Variants in GNS observed in about 807,000 individuals in gnomAD.
The protein encoded by GNS is N-acetylglucosamine-6-sulfatase.
GNS carries 40 observed loss-of-function variants against 69.7 expected under a neutral mutation model. That is an observed-to-expected ratio of 0.57 (90% CI 0.45 to 0.75). The LOEUF (loss-of-function observed/expected upper bound fraction) is 0.75, where lower values mean the gene tolerates loss of function less well. Among genes scored for constraint, GNS ranks in the 30% least tolerant of loss-of-function variants. The pLI is 0.00. For missense variants in GNS, 565 were observed against 685.5 expected (o/e 0.82, Z 1.96); for synonymous variants, 243 against 251.6 (o/e 0.97, Z 0.32).
intron 9 of GNS, among the ~76,000 whole-genome samples, chr12:64,734,532 G>C (rs1364061599): frequency 6.6e-6 from 1 of 152,212 alleles, no homozygotes; most frequent in Non-Finnish European, 1.5e-5. Context: ...GGAAGGAGTA[G>C]TCACTTGTAC....
intron 9 of GNS, among the ~76,000 whole-genome samples, chr12:64,732,652 G>A (rs1284056017): frequency 7.5e-5 from 11 of 147,236 alleles, no homozygotes; most frequent in East Asian, 6.2e-4. Context: ...TAGTAGAGAC[G>A]GGGTTTCACT....
rs764633225 is a variant in GNS, at chr12:64,743,128, T to C, written c.792+13A>G. 6.3e-7 allele frequency: 1 copy of C among 1,594,084 alleles called. No homozygotes were observed. The highest frequency in any genetic ancestry group is 8.6e-7 in the Non-Finnish European group (1 of 1,162,032). On this transcript the variant is annotated intron_variant, in intron 6 of 13. Transcript: ENST00000258145. The stretch of plus-strand genomic sequence containing the variant: ...ACTTAGTATGGCTGAATACAAGTGG[T>C]GGGGGAAGCTACCGTTCCATGGATG...
intron 13 of GNS, among the ~76,000 whole-genome samples, chr12:64,717,813 T>G (rs1868913610): frequency 6.6e-6 from 1 of 152,138 alleles, no homozygotes; most frequent in South Asian, 2.1e-4. Context: ...GTAGAAGACA[T>G]GAACAGAAAC....
intron 6 of GNS, among the ~76,000 whole-genome samples, chr12:64,741,286 T>C (rs1869725055): frequency 6.6e-6 from 1 of 151,652 alleles, no homozygotes; most frequent in African/African-American, 2.4e-5. Context: ...AGGCGGAGGT[T>C]GCATTGAGCC....
chr12:64,719,458 C>T (rs937794134), intron 13 of GNS, among the ~76,000 whole-genome samples: 9 of 152,162 alleles, frequency 5.9e-5, no homozygotes, highest in African/African-American at 1.7e-4. Flanking sequence ...TAAGAAGGAC[C>T]GTGTGGGGAA....
intron 9 of GNS, among the ~76,000 whole-genome samples, chr12:64,734,773 T>C (rs1869510874): frequency 6.6e-6 from 1 of 152,170 alleles, no homozygotes; most frequent in South Asian, 2.1e-4. Flanking sequence ...CCACTGCAGC[T>C]TAAATATCTG....
chr12:64,717,379 G>A (rs1446238855), intron 13 of GNS, among the ~76,000 whole-genome samples: 3 of 152,180 alleles, frequency 2.0e-5, no homozygotes, highest in Non-Finnish European at 4.4e-5. Flanking sequence ...GGGGGACAGA[G>A]TCAGTCTGTC....
intron 9 of GNS, among the ~76,000 whole-genome samples, chr12:64,732,881 G>T (rs866240863): frequency 6.6e-6 from 1 of 152,278 alleles, no homozygotes. Context: ...TTACAGGCGT[G>T]AGCCACCATG....
chr12:64,755,055 C>T lies in GNS; in HGVS notation c.193-2298G>A, dbSNP rs1204772195. ...TGCTAATTAGAATGTAAAATGAATCCTTAAGATCGAAGCAAAGACAGTGGC... is the reference window on the plus strand; with the variant it reads ...TGCTAATTAGAATGTAAAATGAATCTTTAAGATCGAAGCAAAGACAGTGGC... On this transcript the variant is annotated intron_variant, in intron 1 of 13. Transcript: ENST00000258145. Among the ~76,000 whole-genome samples the T allele has an allele frequency of 5.3e-5, 8 of 152,022 alleles. No individual in the cohort carries two copies. The East Asian group carries it at 1.5e-3, about 29-fold the overall frequency.
intron 6 of GNS, among the ~76,000 whole-genome samples, chr12:64,741,726 T>G (rs1869742632): frequency 6.6e-6 from 1 of 152,120 alleles, no homozygotes; most frequent in Non-Finnish European, 1.5e-5. Context: ...CTATATACTA[T>G]TCTCTCTTCT....
intron 11 of GNS, chr12:64,722,790 T>C (rs1248037879): frequency 7.3e-6 from 4 of 545,038 alleles, no homozygotes; most frequent in East Asian, 6.5e-5. Flanking sequence ...ACTTGCTACA[T>C]AAATTGGAAG....
Position 64,721,640 on chromosome 12 carries a change from C to T in GNS, c.1374G>A (p.Met458Ile), listed in dbSNP as rs145676225. ...YNNTYACVRTMSALWNLQYCE... is the reference protein window; with the variant it reads ...YNNTYACVRTISALWNLQYCE... Reference sequence around the variant, plus strand: ...AATACTGCAAATTCCACAATGCTGACATTGTCCTCACACAGGCATAGGTAT... The same window carrying T: ...AATACTGCAAATTCCACAATGCTGATATTGTCCTCACACAGGCATAGGTAT... Residue 458 changes from methionine (M) to isoleucine (I), a missense_variant, in exon 12 of 14, where the codon ATG (methionine) becomes ATA (isoleucine). By Grantham distance (10) the Met-to-Ile change is conservative (BLOSUM62 1). This residue lies in a region of GNS where 384 missense variants were observed against 511.0 expected (regional missense o/e 0.75). Transcript: ENST00000258145. 6.2e-6 allele frequency: 10 copies of T among 1,601,336 alleles called. No homozygotes were observed. The African/African-American group carries it at 1.1e-4, about 17-fold the overall frequency.
intron 1 of GNS, chr12:64,752,973 G>A: frequency 3.4e-6 from 2 of 582,342 alleles, no homozygotes; most frequent in South Asian, 2.1e-5. Context: ...AATGCTTGCA[G>A]GAAGGGAAAG....
chr12:64,725,515 T>C (rs895522030), intron 10 of GNS, among the ~76,000 whole-genome samples: 1 of 152,178 alleles, frequency 6.6e-6, no homozygotes, highest in African/African-American at 2.4e-5. Flanking sequence ...CATTTTTAAT[T>C]CAAATAGCCA....
chr12:64,716,608 T>C lies in GNS; in HGVS notation c.*133A>G. 1.4e-6 allele frequency: 1 copy of C among 718,076 alleles called. No individual in the cohort carries two copies. 44.5% of individuals were successfully genotyped at this position (718,076 alleles called of 1,614,324 possible). On this transcript the variant is annotated 3_prime_UTR_variant, in exon 14 of 14. Coordinates refer to ENST00000258145, the MANE Select transcript of GNS (RefSeq NM_002076.4). ...GGAAGTCAGCTGACTGGGTTGCTTT[T>C]TCAAACAGGACTTAAAGCCAGCCCA...
chr12:64,741,070 AGTGGCGGGCG>A (rs1270869347), intron 6 of GNS, among the ~76,000 whole-genome samples: 91,858 of 134,814 alleles, frequency 0.68, 33,121 homozygotes, highest in African/African-American at 0.89. Context: ...AATAGGGCGT[AGTGGCGGGCG>A]CCTGTAGTCC....
intron 13 of GNS, among the ~76,000 whole-genome samples, chr12:64,717,518 ATTTTTTTTTTTT>A (rs57088346): frequency 7.6e-6 from 1 of 131,410 alleles, no homozygotes; most frequent in African/African-American, 2.9e-5. Context: ...CACCTGGCTA[ATTTTTTTTTTTT>A]TTTTTTTTTT....
rs1022960921 is a variant in GNS, at chr12:64,756,812, T to A, written c.192+2273A>T. On this transcript the variant is annotated intron_variant, in intron 1 of 13. Transcript: ENST00000258145. ...AGTTTGGAACATTAAGTTTGACTTA[T>A]GCCCTCCACTCAATTTTGGTACCTC... 4 of 937,070 alleles carry A rather than the reference T, an allele frequency of 4.3e-6. No individual in the cohort carries two copies. The South Asian group carries it at 5.7e-5, about 13-fold the overall frequency. 58.0% of individuals were successfully genotyped at this position (937,070 alleles called of 1,614,324 possible).
chr12:64,731,189 G>C (rs149526027), intron 9 of GNS, among the ~76,000 whole-genome samples: 3 of 152,294 alleles, frequency 2.0e-5, no homozygotes, highest in African/African-American at 4.8e-5. Context: ...TGATCCTCCT[G>C]CCTCAGCATC....
Sources: allele counts gnomAD v4.1 joint callset (sites outside exome capture counted in the v4.1 genomes callset), GRCh38; gene constraint gnomAD v4.1.1; regional missense constraint gnomAD v4.1.1; transcripts MANE v1.5; gene names NCBI Gene and HGNC (gene_info 2026-07-23, HGNC 2026-07-21).